The following FAM81A variants were observed in gnomAD, a reference collection of about 807,000 sequenced individuals.
FAM81A encodes the protein family with sequence similarity 81 member A.
A neutral mutation model predicts 46.7 loss-of-function variants in FAM81A; 19 were observed. The observed-to-expected ratio is 0.41, with a 90% CI of 0.28 to 0.60. FAM81A has a LOEUF of 0.60. Among genes scored for constraint, FAM81A ranks in the 20% least tolerant of loss-of-function variants. The pLI is 0.34. For synonymous variants in FAM81A, 183 were observed against 152.9 expected (o/e 1.20, Z -1.45); for missense variants, 377 against 453.5 (o/e 0.83, Z 1.53).
At chr15:59,514,644 G>A (rs1229222181) in intron 7 of FAM81A, among the ~76,000 whole-genome samples, 2 of 152,172 alleles carry the variant, frequency 1.3e-5, no homozygotes, top group Non-Finnish European at 2.9e-5. Context: ...GAAAATTTCA[G>A]TACTTTCAGT....
chr15:59,410,873 C>A (rs1417165920), intron 2 of FAM81A, among the ~76,000 whole-genome samples: 2 of 152,122 alleles, frequency 1.3e-5, no homozygotes, highest in Non-Finnish European at 2.9e-5. Flanking sequence ...GCCTCAGCCT[C>A]CTGAATAGCT....
chr15:59,507,779 C>G (rs1337934884), intron 5 of FAM81A, among the ~76,000 whole-genome samples: 1 of 152,182 alleles, frequency 6.6e-6, no homozygotes, highest in Non-Finnish European at 1.5e-5. Flanking sequence ...TTAGGCAAAG[C>G]TAGAGCATAG....
intron 4 of FAM81A, among the ~76,000 whole-genome samples, chr15:59,496,381 C>T (rs1257215222): frequency 6.6e-6 from 1 of 151,858 alleles, no homozygotes; most frequent in African/African-American, 2.4e-5. Flanking sequence ...CCGAGGCGGG[C>T]AGATCAGGAG....
chr15:59,494,832 G>A (rs954788826), intron 4 of FAM81A, among the ~76,000 whole-genome samples: 24 of 152,092 alleles, frequency 1.6e-4, no homozygotes, highest in Non-Finnish European at 2.8e-4. Flanking sequence ...GTTTTTATGT[G>A]TCCATTGGTG....
chr15:59,522,554 G>A lies in FAM81A; in HGVS notation c.*1176G>A, dbSNP rs1049636311. The A allele has an allele frequency of 6.6e-6, 1 of 152,150 alleles. No individual in the cohort carries two copies. The highest frequency in any genetic ancestry group is 6.6e-5 in the Admixed American group (1 of 15,254). The allele number at this position is 152,150 out of a possible 1,614,324, so 9.4% of individuals were successfully genotyped here. ...TCTTGAGCAACTTTGTAGATGATGG[G>A]TGTTTTATTTTCAATCGCCATATTT... is the stretch of plus-strand genomic sequence containing the variant. On this transcript the variant is annotated 3_prime_UTR_variant, in exon 9 of 9. Transcript: ENST00000288228.
At chr15:59,439,028 A>T (rs1321502909) in intron 1 of FAM81A, 1 of 152,182 alleles carries the variant, frequency 6.6e-6, no homozygotes, top group African/African-American at 2.4e-5. Flanking sequence ...GAACAGGTAA[A>T]ATCAAAACCC....
intron 2 of FAM81A, among the ~76,000 whole-genome samples, chr15:59,408,634 C>G (rs2081107026): frequency 6.6e-6 from 1 of 152,162 alleles, no homozygotes. Flanking sequence ...AGAGACCATC[C>G]TGGCTAACAC....
intron 3 of FAM81A, among the ~76,000 whole-genome samples, chr15:59,487,559 A>G (rs1490029153): frequency 6.6e-6 from 1 of 152,046 alleles, no homozygotes; most frequent in Non-Finnish European, 1.5e-5. Context: ...AAAATCAGAG[A>G]TGAAAAAGGA....
chr15:59,502,340 C>G lies in FAM81A; in HGVS notation c.414-4873C>G, dbSNP rs193264419. 3.8e-3 allele frequency among the ~76,000 whole-genome samples: 577 copies of G among 151,704 alleles called. 3 individuals carry two copies. Among genetic ancestry groups the G allele is most frequent in the Non-Finnish European group, 6.3e-3 (431 of 67,994 alleles). ...AAAGCTATCCCTTCCCGCTCCCCCC[C>G]CAACAACAGTCCCCAGAGTGTGATG... On this transcript the variant is annotated intron_variant, in intron 4 of 8. Transcript: ENST00000288228.
At chr15:59,436,534 C>A (rs2141571208), upstream of FAM81A, among the ~76,000 whole-genome samples, 1 of 152,250 alleles carries the variant, frequency 6.6e-6, no homozygotes, top group Middle Eastern at 3.4e-3. Flanking sequence ...TGGAGACAGG[C>A]AAGAAATATT....
intron 2 of FAM81A, among the ~76,000 whole-genome samples, chr15:59,428,810 T>G (rs549202014): frequency 1.6e-4 from 24 of 152,142 alleles, no homozygotes; most frequent in African/African-American, 5.5e-4. Context: ...TTTGTATTTT[T>G]AGTAGAGATG....
At chr15:59,430,114 T>C (rs1297549392) in intron 2 of FAM81A, among the ~76,000 whole-genome samples, 1 of 152,198 alleles carries the variant, frequency 6.6e-6, no homozygotes, top group East Asian at 1.9e-4. Flanking sequence ...CACGGACTCC[T>C]CAGCCATTGC....
rs749619455 is a variant in FAM81A, at chr15:59,460,406, A to G, written c.294+200A>G. ...TAAATTTATTCCAGTGTTTGATAAC[A>G]GTTACTGTTAGTGTTATGTTTAATC... On this transcript the variant is annotated intron_variant, in intron 3 of 8. Coordinates refer to ENST00000288228, the MANE Select transcript of FAM81A (RefSeq NM_152450.3). This position sits in a 1 kb window ranked among gnomAD's most constrained non-coding sequence, Gnocchi z 4.4. The G allele has an allele frequency of 2.8e-6, 2 of 725,030 alleles. No individual in the cohort carries two copies. Among genetic ancestry groups the G allele is most frequent in the South Asian group, 3.0e-5 (2 of 66,674 alleles). The allele number at this position is 725,030 out of a possible 1,614,324, so 44.9% of individuals were successfully genotyped here.
chr15:59,503,919 T>C (rs2141805422), intron 4 of FAM81A, among the ~76,000 whole-genome samples: 1 of 152,290 alleles, frequency 6.6e-6, no homozygotes, highest in Non-Finnish European at 1.5e-5. Context: ...GTACTTGTGT[T>C]TCCAAGTGAG....
intron 2 of FAM81A, among the ~76,000 whole-genome samples, chr15:59,428,162 G>C (rs941874110): frequency 1.3e-5 from 2 of 152,160 alleles, no homozygotes; most frequent in Non-Finnish European, 2.9e-5. Context: ...CAGTGATGTT[G>C]AGCACCTTTT....
chr15:59,460,118 G>C lies in FAM81A; in HGVS notation c.206G>C (p.Gly69Ala), dbSNP rs1277100664. ...VNSLQKMQNK[G>A]GGDRLARLFL... Reference sequence around the variant, plus strand: ...AGTTTGCAGAAAATGCAAAACAAAGGGGGAGGTGACCGCTTGGCCAGGCTT... The same window carrying C: ...AGTTTGCAGAAAATGCAAAACAAAGCGGGAGGTGACCGCTTGGCCAGGCTT... The change falls in exon 3 of 9, where the codon GGG becomes GCG. Residue 69 changes from glycine to alanine, a missense_variant. Transcript: ENST00000288228. The surrounding 1 kb of genome is among the most constrained non-coding windows in gnomAD (Gnocchi z 4.4). 4.3e-6 allele frequency: 7 copies of C among 1,614,000 alleles called. No homozygotes were observed. Among genetic ancestry groups the C allele is most frequent in the Middle Eastern group, 1.6e-4 (1 of 6,062 alleles).
rs1489818419 is a variant in FAM81A at position 59,522,302 on chromosome 15, C to A, written c.*924C>A. On this transcript the variant is annotated 3_prime_UTR_variant, in exon 9 of 9. Transcript: ENST00000288228. ...TTTTTGTGCCTTGGTTTTATCATGTCAATGCACTGTACTCTGTAAAAGTTT... is the reference window on the plus strand; with the variant it reads ...TTTTTGTGCCTTGGTTTTATCATGTAAATGCACTGTACTCTGTAAAAGTTT... 4.6e-5 allele frequency: 7 copies of A among 152,568 alleles called. No individual in the cohort carries two copies. Among genetic ancestry groups the A allele is most frequent in the Admixed American group, 4.6e-4 (7 of 15,274 alleles). The allele number at this position is 152,568 out of a possible 1,614,324, so 9.5% of individuals were successfully genotyped here. A position where few individuals can be genotyped will look rare whatever the true frequency, so the allele number is the denominator to read the frequency against.
intron 1 of FAM81A, among the ~76,000 whole-genome samples, chr15:59,440,833 T>G (rs940515154): frequency 6.6e-6 from 1 of 152,190 alleles, no homozygotes; most frequent in East Asian, 1.9e-4. Context: ...CCCAGAATCC[T>G]TTGTTTCAAT....
At chr15:59,422,304 C>T (rs1395729345) in intron 2 of FAM81A, among the ~76,000 whole-genome samples, 1 of 152,066 alleles carries the variant, frequency 6.6e-6, no homozygotes, top group Non-Finnish European at 1.5e-5. Context: ...TAGGGTATCA[C>T]TTGAGCCCAG....
Sources: gnomAD v4.1 joint callset for allele counts (sites outside exome capture counted in the v4.1 genomes callset) on GRCh38, gnomAD v4.1.1 for gene constraint, Gnocchi (gnomAD v3.1) non-coding constraint, MANE v1.5 for transcripts, NCBI Gene and HGNC (gene_info 2026-07-23, HGNC 2026-07-21) for gene names.